DUSP22: variants seen among roughly 807,000 people sequenced by gnomAD.
DUSP22 encodes the protein dual specificity phosphatase 22.
Under a neutral mutation model 24.5 loss-of-function variants are expected in DUSP22, and 24 were observed. The ratio of observed to expected loss-of-function variants is 0.98; its 90% CI spans 0.71 to 1.38. The LOEUF is 1.38. Ranked by LOEUF, DUSP22 falls within the 40% of genes most tolerant of loss-of-function variation. The probability of loss-of-function intolerance (pLI) is 0.00; values close to 1 mark genes in which losing one functional copy is unlikely to be tolerated. For synonymous variants in DUSP22, 160 were observed against 106.4 expected, an observed-to-expected ratio of 1.50 and a Z score of -3.10; for missense variants, 330 against 269.2, an observed-to-expected ratio of 1.23 and a Z score of -1.58.
In DUSP22 at chr6:349,215, G is replaced by GT; in HGVS notation, c.*265dup. On this transcript the variant is annotated 3_prime_UTR_variant, in exon 7 of 7. Coordinates refer to ENST00000419235, the MANE Select transcript of DUSP22 (RefSeq NM_001286555.3). Reference sequence around the variant, plus strand: ...CACTGCTCTGTGCACGTGCGTGTGTGTGAGTGCACTTGTGTGTGGGTGACT... The same window carrying GT: ...CACTGCTCTGTGCACGTGCGTGTGTGTTGAGTGCACTTGTGTGTGGGTGACT... 1 of 1,394,318 alleles carries GT rather than the reference G, an allele frequency of 7.2e-7. No individual in the cohort carries two copies. The highest frequency in any genetic ancestry group is 9.3e-7 in the Non-Finnish European group (1 of 1,074,702). 86.4% of individuals were successfully genotyped at this position (1,394,318 alleles called of 1,614,324 possible).
intron 1 of DUSP22, among the ~76,000 whole-genome samples, chr6:298,005 C>T (rs1400493845): frequency 7.9e-5 from 12 of 152,306 alleles, no homozygotes; most frequent in African/African-American, 2.9e-4. Context: ...CAGTCCCAGG[C>T]AGCTTGGAGA....
At chr6:323,147 T>C (rs907740198) in intron 3 of DUSP22, among the ~76,000 whole-genome samples, 7 of 152,300 alleles carry the variant, frequency 4.6e-5, no homozygotes, top group African/African-American at 1.7e-4. Context: ...CATCACCTTA[T>C]TACAGGCTGT....
chr6:348,496 G>T, intron 6 of DUSP22: 2 of 865,776 alleles, frequency 2.3e-6, no homozygotes, highest in African/African-American at 3.4e-5. Flanking sequence ...CCTTGTGCCT[G>T]GTACTCCCTA....
In DUSP22 at chr6:349,034, A is replaced by AG. The variant is rs1410325969; in HGVS notation, c.*85dup. On this transcript the variant is annotated 3_prime_UTR_variant, in exon 7 of 7. Coordinates refer to ENST00000419235, the MANE Select transcript of DUSP22 (RefSeq NM_001286555.3). The stretch of plus-strand genomic sequence containing the variant: ...AGGGGTGCGGTGGTGGTGGCCGATG[A>AG]GGACAGGAAAGGGAGATAGCCAGGG... 8 of 1,520,568 alleles carry AG rather than the reference A, an allele frequency of 5.3e-6. No homozygotes were observed. Among genetic ancestry groups the AG allele is most frequent in the Non-Finnish European group, 7.1e-6 (8 of 1,132,770 alleles). 94.2% of individuals were successfully genotyped at this position (1,520,568 alleles called of 1,614,324 possible).
At chr6:339,625 A>T (rs1224235417) in intron 4 of DUSP22, among the ~76,000 whole-genome samples, 1 of 152,294 alleles carries the variant, frequency 6.6e-6, no homozygotes, top group South Asian at 2.1e-4. Context: ...TCATTGCAGT[A>T]GCGCCTTTGT....
intron 1 of DUSP22, among the ~76,000 whole-genome samples, chr6:294,634 G>A (rs1038541676): frequency 2.6e-5 from 4 of 152,226 alleles, no homozygotes; most frequent in Admixed American, 6.5e-5. Flanking sequence ...GAAAAATCTC[G>A]GGACCCCCAG....
intron 3 of DUSP22, among the ~76,000 whole-genome samples, chr6:315,253 T>G (rs1391717329): frequency 1.3e-5 from 2 of 152,306 alleles, no homozygotes; most frequent in Non-Finnish European, 2.9e-5. Flanking sequence ...AATTCACATC[T>G]GAGATTCTGA....
chr6:304,618 T>C lies in DUSP22; in HGVS notation c.22-10T>C. 6.2e-7 allele frequency: 1 copy of C among 1,614,228 alleles called. No individual in the cohort carries two copies. On this transcript the variant is annotated splice_polypyrimidine_tract_variant and intron_variant, in intron 1 of 6. Coordinates refer to ENST00000419235, the MANE Select transcript of DUSP22 (RefSeq NM_001286555.3). ...TGCCATGCTCATGTCTGTGTCTGTC[T>C]CTCTCCTAGATCCTGCCCGGCCTGT...
At chr6:310,062 G>T (rs1465305526) in intron 2 of DUSP22, among the ~76,000 whole-genome samples, 1 of 152,296 alleles carries the variant, frequency 6.6e-6, no homozygotes, top group Non-Finnish European at 1.5e-5. Context: ...CTGGGTTCAA[G>T]CGATTCTCCT....
chr6:309,565 C>T (rs1299679567), intron 2 of DUSP22, among the ~76,000 whole-genome samples: 1 of 152,296 alleles, frequency 6.6e-6, no homozygotes, highest in Non-Finnish European at 1.5e-5. Flanking sequence ...TTCTTGACTT[C>T]TGCTTCATCA....
chr6:322,071 GCATATCATCTACATAGTGTACA>G (rs1758617453), intron 3 of DUSP22, among the ~76,000 whole-genome samples: 2 of 152,210 alleles, frequency 1.3e-5, no homozygotes, highest in Admixed American at 1.3e-4. Flanking sequence ...CATAGTGTAT[GCATATCATCTACATAGTGTACA>G]CATATCATCT....
intron 3 of DUSP22, among the ~76,000 whole-genome samples, chr6:317,734 C>T (rs1758398322): frequency 6.6e-6 from 1 of 152,306 alleles, no homozygotes; most frequent in Non-Finnish European, 1.5e-5. Flanking sequence ...AGCTGCCGTG[C>T]TGGGGTTTCT....
At chr6:338,235 A>G (rs1482545800) in intron 4 of DUSP22, among the ~76,000 whole-genome samples, 2 of 152,302 alleles carry the variant, frequency 1.3e-5, no homozygotes, top group African/African-American at 4.8e-5. Context: ...TGCTTGCTGT[A>G]CTAAAGTTAT....
In DUSP22 at chr6:348,341, C is replaced by T. The variant is rs573123014; in HGVS notation, c.435+67C>T. On this transcript the variant is annotated intron_variant, in intron 6 of 6. Coordinates refer to ENST00000419235, the MANE Select transcript of DUSP22 (RefSeq NM_001286555.3). Reference sequence around the variant, plus strand: ...CCCTGAACGGTGCCCACAGTCTTTCCGTACACAGCCAGCATCATGGCGTTT... The same window carrying T: ...CCCTGAACGGTGCCCACAGTCTTTCTGTACACAGCCAGCATCATGGCGTTT... 88 of 1,596,904 alleles carry T rather than the reference C, an allele frequency of 5.5e-5. No individual in the cohort carries two copies. In the African/African-American group the frequency reaches 7.9e-4, roughly 14 times the overall value.
At chr6:324,863 A>T (rs1048180805) in intron 3 of DUSP22, among the ~76,000 whole-genome samples, 3 of 152,296 alleles carry the variant, frequency 2.0e-5, no homozygotes, top group Non-Finnish European at 4.4e-5. Flanking sequence ...TTCCATCACC[A>T]GCGAGGGGCT....
intron 1 of DUSP22, among the ~76,000 whole-genome samples, chr6:294,257 A>G (rs1017208780): frequency 6.6e-6 from 1 of 152,300 alleles, no homozygotes; most frequent in Non-Finnish European, 1.5e-5. Flanking sequence ...CAGTGTATCA[A>G]TGAAGAAATA....
At chr6:340,641 A>G (rs1267578237) in intron 4 of DUSP22, among the ~76,000 whole-genome samples, 1 of 152,302 alleles carries the variant, frequency 6.6e-6, no homozygotes, top group Non-Finnish European at 1.5e-5. Context: ...TTTCATTTGC[A>G]CATACACTTT....
At chr6:310,905 T>C (rs1758055303) in intron 2 of DUSP22, among the ~76,000 whole-genome samples, 1 of 152,306 alleles carries the variant, frequency 6.6e-6, no homozygotes, top group Non-Finnish European at 1.5e-5. Context: ...GCATTTCAAT[T>C]TCTAGATTAA....
chr6:316,049 A>G (rs1758323450), intron 3 of DUSP22, among the ~76,000 whole-genome samples: 1 of 152,306 alleles, frequency 6.6e-6, no homozygotes, highest in South Asian at 2.1e-4. Context: ...ATGCCTAAGA[A>G]TTCAGAAAAT....
Sources: gnomAD v4.1 joint callset for allele counts (sites outside exome capture counted in the v4.1 genomes callset) on GRCh38, gnomAD v4.1.1 for gene constraint, MANE v1.5 for transcripts, NCBI Gene and HGNC (gene_info 2026-07-23, HGNC 2026-07-21) for gene names.